GDAP1L1: variants seen among roughly 807,000 people sequenced by gnomAD.
GDAP1L1 encodes ganglioside induced differentiation associated protein 1 like 1.
GDAP1L1 carries 21 observed loss-of-function variants against 37.1 expected under a neutral mutation model. The observed-to-expected ratio is 0.57, with a 90% CI of 0.40 to 0.81. The LOEUF (loss-of-function observed/expected upper bound fraction) is 0.81, where lower values mean the gene tolerates loss of function less well. Among genes scored for constraint, GDAP1L1 ranks in the 40% least tolerant of loss-of-function variants. The pLI, the probability that GDAP1L1 is intolerant of heterozygous loss-of-function variation, is 0.00. For missense variants in GDAP1L1, 362 were observed against 491.6 expected (o/e 0.74, Z 2.49); for synonymous variants, 193 against 209.1 (o/e 0.92, Z 0.67).
At chr20:44,257,059 C>A (rs2073564391) in intron 1 of GDAP1L1, 94 bp from the exon 2 acceptor site, 3 of 1,316,742 alleles carry the variant, frequency 2.3e-6, no homozygotes, top group Non-Finnish European at 3.1e-6. Context: ...CTGTGTGTGA[C>A]CTCTGACCTC....
intron 5 of GDAP1L1, among the ~76,000 whole-genome samples, chr20:44,278,558 T>C (rs1389815640): frequency 1.3e-5 from 2 of 151,942 alleles, no homozygotes; most frequent in Non-Finnish European, 2.9e-5. Context: ...TTTTTATATT[T>C]TTAGTAGAGA....
At chr20:44,269,005 A>G (rs1289926456) in intron 5 of GDAP1L1, among the ~76,000 whole-genome samples, 1 of 152,174 alleles carries the variant, frequency 6.6e-6, no homozygotes, top group Admixed American at 6.5e-5. Flanking sequence ...GTGGCTTGGC[A>G]GTATGGGCTG....
chr20:44,279,342 T>C lies in GDAP1L1; in HGVS notation c.*42T>C. On this transcript the variant is annotated 3_prime_UTR_variant, in exon 6 of 6. Coordinates refer to ENST00000342560, the MANE Select transcript of GDAP1L1 (RefSeq NM_024034.6). Reference sequence around the variant, plus strand: ...TGGTGTCTGACTGTCGGTGTCTCTGTGCTGTGTGATTCCCCGTGAGCTCTC... The same window carrying C: ...TGGTGTCTGACTGTCGGTGTCTCTGCGCTGTGTGATTCCCCGTGAGCTCTC... 1 of 1,275,284 alleles carries C rather than the reference T, an allele frequency of 7.8e-7. No homozygotes were observed. Among genetic ancestry groups the C allele is most frequent in the South Asian group, 1.3e-5 (1 of 77,708 alleles). 79.0% of individuals were successfully genotyped at this position (1,275,284 alleles called of 1,614,324 possible). A position where few individuals can be genotyped will look rare whatever the true frequency, so the allele number is the denominator to read the frequency against.
intron 5 of GDAP1L1, among the ~76,000 whole-genome samples, chr20:44,271,916 A>G (rs1371942902): frequency 6.6e-6 from 1 of 152,214 alleles, no homozygotes; most frequent in Non-Finnish European, 1.5e-5. Context: ...GGCAGAGAGG[A>G]GTACCCCAGG....
intron 3 of GDAP1L1, among the ~76,000 whole-genome samples, chr20:44,261,115 A>G (rs1454486573): frequency 6.6e-6 from 1 of 152,140 alleles, no homozygotes; most frequent in Non-Finnish European, 1.5e-5. Context: ...TTCTCTGAGG[A>G]GGCAGAGAGG....
chr20:44,269,127 A>T (rs1193630029), intron 5 of GDAP1L1, among the ~76,000 whole-genome samples: 1 of 152,212 alleles, frequency 6.6e-6, no homozygotes, highest in Non-Finnish European at 1.5e-5. Context: ...CACAGTGCCC[A>T]GCTCAAGATG....
chr20:44,264,407 G>A, intron 4 of GDAP1L1, 38 bp from the exon 5 acceptor site: 2 of 1,445,160 alleles, frequency 1.4e-6, no homozygotes, highest in Non-Finnish European at 1.8e-6. Context: ...GCTCTATTGA[G>A]GCCAACTCAG....
chr20:44,257,408 G>T lies in GDAP1L1; in HGVS notation c.373+63G>T, dbSNP rs1046188814. 12 of 1,458,158 alleles carry T rather than the reference G, an allele frequency of 8.2e-6. No homozygotes were observed. The African/African-American group carries it at 1.3e-4, about 15-fold the overall frequency. The allele number at this position is 1,458,158 out of a possible 1,614,324, so 90.3% of individuals were successfully genotyped here. On this transcript the variant is annotated intron_variant, in intron 2 of 5. Coordinates refer to ENST00000342560, the MANE Select transcript of GDAP1L1 (RefSeq NM_024034.6). ...CACAGATCCTCAGGGGTCCCCACAG[G>T]CTCAGACGGGGTCCCAGAACTTTGG...
chr20:44,273,265 T>TTA (rs1254879138), intron 5 of GDAP1L1, among the ~76,000 whole-genome samples: 1 of 152,204 alleles, frequency 6.6e-6, no homozygotes, highest in African/African-American at 2.4e-5. Context: ...ATCCAGGGAA[T>TTA]TATACCACAC....
In GDAP1L1 at chr20:44,257,241, T is replaced by C. The variant is rs757881242; in HGVS notation, c.269T>C (p.Met90Thr). 2 of 1,613,426 alleles carry C rather than the reference T, an allele frequency of 1.2e-6. No homozygotes were observed. Among genetic ancestry groups the C allele is most frequent in the Non-Finnish European group, 8.5e-7 (1 of 1,179,744 alleles). ...AGCGAGCACAAGGAGCCCTGGTTCA[T>C]GCGGCTCAACCTGGGCGAGGAGGTG... ...PQSEHKEPWF[M>T]RLNLGEEVPV... The change falls in exon 2 of 6, where the codon ATG becomes ACG. Residue 90 changes from methionine (M) to threonine (T), a missense_variant. By Grantham distance (81) the Met-to-Thr change is moderately conservative. Around this residue, in one of 2 missense-constraint regions of GDAP1L1, gnomAD observed 277 missense variants for 337.1 expected, o/e 0.82. Coordinates refer to ENST00000342560, the MANE Select transcript of GDAP1L1 (RefSeq NM_024034.6).
chr20:44,262,422 T>G (rs2073689217), intron 3 of GDAP1L1, among the ~76,000 whole-genome samples: 1 of 151,896 alleles, frequency 6.6e-6, no homozygotes, highest in Non-Finnish European at 1.5e-5. Flanking sequence ...GGGCTTTGTG[T>G]TGGGGAGGGG....
At chr20:44,277,623 C>T (rs999539861) in intron 5 of GDAP1L1, among the ~76,000 whole-genome samples, 1 of 152,172 alleles carries the variant, frequency 6.6e-6, no homozygotes, top group African/African-American at 2.4e-5. Context: ...GTGACATTCT[C>T]CGACATTTAA....
intron 5 of GDAP1L1, chr20:44,265,303 C>T: frequency 2.0e-6 from 2 of 985,402 alleles, no homozygotes. Flanking sequence ...GAGCACCCTT[C>T]CTACACCACT....
intron 5 of GDAP1L1, chr20:44,264,916 G>A (rs1055983966): frequency 9.5e-7 from 1 of 1,058,042 alleles, no homozygotes; most frequent in South Asian, 3.0e-5. Context: ...ATGATGTTAA[G>A]AGGCAGCTCA....
rs533787754 is a variant in GDAP1L1 at position 44,269,529 on chromosome 20, G to A, written c.760+4970G>A. Among the ~76,000 whole-genome samples, 26 of 152,342 alleles carry A rather than the reference G, an allele frequency of 1.7e-4. No homozygotes were observed. In the South Asian group the frequency reaches 5.4e-3, roughly 32 times the overall value. ...GTGAGAGATGATGTTGGCGTGGACT[G>A]AGATGGTTGCAGTGGATATGGTGAG... On this transcript the variant is annotated intron_variant, in intron 5 of 5. Transcript: ENST00000342560.
chr20:44,263,383 G>C (rs1435519433), intron 4 of GDAP1L1, 56 bp downstream of exon 4: 8 of 1,169,646 alleles, frequency 6.8e-6, no homozygotes, highest in Non-Finnish European at 1.0e-5. Flanking sequence ...CCACGGAAAT[G>C]AACAATAGGA....
rs979465282 is a variant in GDAP1L1, at chr20:44,279,840, G to A, written c.*540G>A. 5 of 467,526 alleles carry A rather than the reference G, an allele frequency of 1.1e-5. No individual in the cohort carries two copies. The highest frequency in any genetic ancestry group is 3.3e-4 in the Middle Eastern group (1 of 3,066). 29.0% of individuals were successfully genotyped at this position (467,526 alleles called of 1,614,324 possible). ...CCCTGAAGATCAGAAGGGGCTTCAC[G>A]CTTCTCCTGGACATGGACTAGCTTG... On this transcript the variant is annotated 3_prime_UTR_variant, in exon 6 of 6. Coordinates refer to ENST00000342560, the MANE Select transcript of GDAP1L1 (RefSeq NM_024034.6).
intron 5 of GDAP1L1, among the ~76,000 whole-genome samples, chr20:44,269,741 C>G (rs1293323757): frequency 6.6e-6 from 1 of 152,144 alleles, no homozygotes; most frequent in Non-Finnish European, 1.5e-5. Flanking sequence ...ACCATCCTGG[C>G]TAACACAGTG....
chr20:44,250,370 C>T (rs1309010780), intron 1 of GDAP1L1, among the ~76,000 whole-genome samples: 2 of 152,178 alleles, frequency 1.3e-5, no homozygotes, highest in Non-Finnish European at 2.9e-5. Flanking sequence ...AATGGTGCCT[C>T]CCCAACAGGG....
Sources: gnomAD v4.1 joint callset for allele counts (sites outside exome capture counted in the v4.1 genomes callset) on GRCh38, gnomAD v4.1.1 for gene constraint, gnomAD v4.1.1 regional missense constraint, MANE v1.5 for transcripts, NCBI Gene and HGNC (gene_info 2026-07-23, HGNC 2026-07-21) for gene names.